Variants in THSD7A observed in about 807,000 individuals in gnomAD.
THSD7A encodes thrombospondin type-1 domain-containing protein 7A.
THSD7A carries 96 observed loss-of-function variants against 231.3 expected under a neutral mutation model. That is an observed-to-expected ratio of 0.41 (90% CI 0.35 to 0.49). The LOEUF (loss-of-function observed/expected upper bound fraction) is 0.49. Ranked by LOEUF, THSD7A falls within the 20% of genes least tolerant of loss-of-function variation. THSD7A has a pLI of 0.05. For missense variants in THSD7A, 2,290 were observed against 2,070.2 expected (o/e 1.11, Z -2.06); for synonymous variants, 940 against 743.3 (o/e 1.26, Z -4.30).
chr7:11,762,378 C>T (rs759688228), intron 1 of THSD7A, among the ~76,000 whole-genome samples: 6 of 152,078 alleles, frequency 3.9e-5, no homozygotes, highest in Admixed American at 1.3e-4. Flanking sequence ...CGGTTCCTTT[C>T]TTATTCATCC....
At chr7:11,728,496 A>G (rs1219373787) in intron 1 of THSD7A, among the ~76,000 whole-genome samples, 1 of 151,890 alleles carries the variant, frequency 6.6e-6, no homozygotes, top group Non-Finnish European at 1.5e-5. Context: ...TCAAATGAAC[A>G]AGAAACTGAC....
intron 6 of THSD7A, among the ~76,000 whole-genome samples, chr7:11,504,301 G>A (rs908397022): frequency 2.6e-5 from 4 of 152,134 alleles, no homozygotes; most frequent in African/African-American, 4.8e-5. Flanking sequence ...AGACACTGGC[G>A]TCCACTTGAT....
chr7:11,391,606 C>T (rs1782983648), intron 23 of THSD7A, among the ~76,000 whole-genome samples: 1 of 129,648 alleles, frequency 7.7e-6, no homozygotes, highest in South Asian at 2.1e-4. Flanking sequence ...GTGAATGGTT[C>T]TGTCCTGGCA....
At chr7:11,820,556 G>A (rs1207989955) in intron 1 of THSD7A, 3 of 708,160 alleles carry the variant, frequency 4.2e-6, no homozygotes, top group Non-Finnish European at 7.3e-6. Flanking sequence ...GAAAATCATT[G>A]TTACTCTTGT....
chr7:11,398,457 T>C (rs1460193898), intron 23 of THSD7A, among the ~76,000 whole-genome samples: 1 of 152,094 alleles, frequency 6.6e-6, no homozygotes, highest in Admixed American at 6.6e-5. Context: ...GATGGATTGA[T>C]GGGTGCAGCA....
intron 1 of THSD7A, among the ~76,000 whole-genome samples, chr7:11,698,285 T>C (rs755549499): frequency 5.9e-5 from 9 of 151,366 alleles, no homozygotes; most frequent in Non-Finnish European, 8.9e-5. Flanking sequence ...TAGGAGCTTG[T>C]TGGTTGTGGA....
chr7:11,715,576 A>G (rs1781109664), intron 1 of THSD7A, among the ~76,000 whole-genome samples: 1 of 151,480 alleles, frequency 6.6e-6, no homozygotes, highest in African/African-American at 2.4e-5. Context: ...AAAGCAATAG[A>G]ATTTTGATTT....
intron 11 of THSD7A, among the ~76,000 whole-genome samples, chr7:11,448,520 T>C (rs1453697484): frequency 1.3e-5 from 2 of 152,164 alleles, no homozygotes; most frequent in African/African-American, 2.4e-5. Context: ...ATCTCTGCCC[T>C]GTTCAGGATT....
intron 1 of THSD7A, among the ~76,000 whole-genome samples, chr7:11,639,659 C>T (rs1562432449): frequency 6.7e-6 from 1 of 149,172 alleles, no homozygotes; most frequent in South Asian, 2.1e-4. Flanking sequence ...CAGATTGAGA[C>T]TCCGTCTCAA....
chr7:11,445,998 C>T lies in THSD7A; in HGVS notation c.3064+63G>A, dbSNP rs925760860. 46 of 1,575,798 alleles carry T rather than the reference C, an allele frequency of 2.9e-5. No individual in the cohort carries two copies. The Middle Eastern group carries it at 6.7e-4, about 23-fold the overall frequency. On this transcript the variant is annotated intron_variant, in intron 13 of 27. Transcript: ENST00000423059. ...CCTTCACTTCCATTCCACTATGATGCGTGTGCATTTTCCCTCCACACTCCC... is the reference window on the plus strand; with the variant it reads ...CCTTCACTTCCATTCCACTATGATGTGTGTGCATTTTCCCTCCACACTCCC...
intron 4 of THSD7A, among the ~76,000 whole-genome samples, chr7:11,570,566 C>G (rs995174932): frequency 1.3e-5 from 2 of 152,188 alleles, no homozygotes; most frequent in African/African-American, 4.8e-5. Flanking sequence ...GATCATTATA[C>G]ATTGTATGCA....
chr7:11,422,058 T>TACA (rs1583709267), intron 16 of THSD7A, among the ~76,000 whole-genome samples: 1 of 152,290 alleles, frequency 6.6e-6, no homozygotes, highest in East Asian at 1.9e-4. Flanking sequence ...ATATTAGAGA[T>TACA]ACACGGTGTA....
At chr7:11,735,150 C>T (rs6957230) in intron 1 of THSD7A, among the ~76,000 whole-genome samples, 18,863 of 151,826 alleles carry the variant, frequency 0.12, 2,162 homozygotes, top group African/African-American at 0.31. Context: ...ACCAAATCAT[C>T]CTGGGCAGGA....
intron 6 of THSD7A, among the ~76,000 whole-genome samples, chr7:11,518,596 G>T (rs1031791996): frequency 1.4e-5 from 1 of 70,230 alleles, no homozygotes; most frequent in South Asian, 4.2e-4. Flanking sequence ...AAATAAAATA[G>T]AAACACACAC....
rs1272673028 is a variant in THSD7A, at chr7:11,371,742, G to GT, written c.*4051_*4052insA. The GT allele has an allele frequency of 1.5e-5, 2 of 132,922 alleles. No individual in the cohort carries two copies. Among genetic ancestry groups the GT allele is most frequent in the African/African-American group, 5.8e-5 (2 of 34,390 alleles). 8.2% of individuals were successfully genotyped at this position (132,922 alleles called of 1,614,324 possible). On this transcript the variant is annotated 3_prime_UTR_variant, in exon 28 of 28. Transcript: ENST00000423059. Reference sequence around the variant, plus strand: ...GGCATGGACATTTTTACAGAAAAGGGCTTTTTTTTTTTTTTTTTTCCTGCA... The same window carrying GT: ...GGCATGGACATTTTTACAGAAAAGGGTCTTTTTTTTTTTTTTTTTTCCTGCA...
chr7:11,488,133 G>A (rs764416259), intron 6 of THSD7A, among the ~76,000 whole-genome samples: 13 of 152,124 alleles, frequency 8.5e-5, no homozygotes, highest in Non-Finnish European at 1.3e-4. Context: ...TCCCAGGATT[G>A]TAATTTTGAG....
rs1457835585 is a variant in THSD7A at position 11,636,434 on chromosome 7, C to T, written c.718G>A (p.Val240Met). Residue 240 changes from valine to methionine, a missense_variant, in exon 2 of 28, where the codon GTG becomes ATG. Val to Met is a conservative substitution (Grantham distance 21). Coordinates refer to ENST00000423059, the MANE Select transcript of THSD7A (RefSeq NM_015204.3). The surrounding 1 kb of genome is among the most constrained non-coding windows in gnomAD (Gnocchi z 10.0). ...SGCPNLTEFQVCQSSPCEAEE... is the reference protein window; with the variant it reads ...SGCPNLTEFQMCQSSPCEAEE... ...GCCTCGCATGGACTGGATTGGCACA[C>T]CTGGAACTCCGTCAGGTTTGGACAG... 1 of 1,613,592 alleles carries T rather than the reference C, an allele frequency of 6.2e-7. No homozygotes were observed. Among genetic ancestry groups the T allele is most frequent in the Non-Finnish European group, 8.5e-7 (1 of 1,179,862 alleles).
chr7:11,624,965 C>T (rs1376533083), intron 2 of THSD7A, among the ~76,000 whole-genome samples: 1 of 152,008 alleles, frequency 6.6e-6, no homozygotes, highest in African/African-American at 2.4e-5. Flanking sequence ...TTGATAAAAG[C>T]ATTTGAACAC....
rs142572173 is a variant in THSD7A, at chr7:11,497,356, T to C, written c.1823-15374A>G. Among the ~76,000 whole-genome samples, 147 of 152,258 alleles carry C rather than the reference T, an allele frequency of 9.7e-4. 1 individual carries two copies. Among genetic ancestry groups the C allele is most frequent in the African/African-American group, 3.2e-3 (134 of 41,548 alleles). On this transcript the variant is annotated intron_variant, in intron 6 of 27. Coordinates refer to ENST00000423059, the MANE Select transcript of THSD7A (RefSeq NM_015204.3). ...CAAAACATATCAATCAATAAGATAA[T>C]AGACATATGTTTGTTGAGATAGGCC...
Sources: gnomAD v4.1 joint callset for allele counts (sites outside exome capture counted in the v4.1 genomes callset) on GRCh38, gnomAD v4.1.1 for gene constraint, Gnocchi (gnomAD v3.1) non-coding constraint, MANE v1.5 for transcripts, NCBI Gene and HGNC (gene_info 2026-07-23, HGNC 2026-07-21) for gene names.